NME7: variants seen among roughly 807,000 people sequenced by gnomAD.
NME7 encodes the protein NME/NM23 family member 7.
NME7 carries 41 observed loss-of-function variants against 49.1 expected under a neutral mutation model. The observed-to-expected ratio is 0.83, with a 90% CI of 0.65 to 1.08. NME7 has a LOEUF of 1.08. Among genes scored for constraint, NME7 ranks in the 50% least tolerant of loss-of-function variants. NME7 has a pLI of 0.00. For missense variants in NME7, 423 were observed against 463.4 expected (o/e 0.91, Z 0.80); for synonymous variants, 139 against 150.6 (o/e 0.92, Z 0.56).
rs966146128 is a variant in NME7, at chr1:169,323,213, A to G, written c.182T>C (p.Phe61Ser). Reference protein sequence around the residue: ...KYDNLHLEDLFIGNKVNVFSR... With the variant: ...KYDNLHLEDLSIGNKVNVFSR... ...AAAGACATTCACTTTGTTGCCTATAAATAAATCTTCCAAGTGCAGGTTATC... is the reference window on the plus strand; with the variant it reads ...AAAGACATTCACTTTGTTGCCTATAGATAAATCTTCCAAGTGCAGGTTATC... The change falls in exon 3 of 12, where the codon TTT (phenylalanine) becomes TCT (serine). Residue 61 changes from phenylalanine (F) to serine (S), a missense_variant. Phe to Ser is a radical substitution (Grantham distance 155). Transcript: ENST00000367811. 1 of 1,608,816 alleles carries G rather than the reference A, an allele frequency of 6.2e-7. No homozygotes were observed. Among genetic ancestry groups the G allele is most frequent in the African/African-American group, 1.3e-5 (1 of 74,766 alleles).
chr1:169,283,793 T>C (rs1650145327), intron 7 of NME7: 1 of 152,236 alleles, frequency 6.6e-6, no homozygotes, highest in Admixed American at 6.5e-5. Flanking sequence ...TTCTGGCTTG[T>C]AGGGTTTCTG....
At chr1:169,189,011 T>C (rs1411145447) in intron 10 of NME7, among the ~76,000 whole-genome samples, 1 of 152,200 alleles carries the variant, frequency 6.6e-6, no homozygotes, top group Non-Finnish European at 1.5e-5. Flanking sequence ...AAAAGCTGAG[T>C]AATAATGTGG....
chr1:169,161,908 T>C (rs1659257322), intron 11 of NME7, among the ~76,000 whole-genome samples: 1 of 152,190 alleles, frequency 6.6e-6, no homozygotes, highest in Non-Finnish European at 1.5e-5. Context: ...ATCTCCCCAA[T>C]TGATCCCATA....
intron 10 of NME7, among the ~76,000 whole-genome samples, chr1:169,226,801 T>A (rs1647358747): frequency 6.6e-6 from 1 of 152,188 alleles, no homozygotes; most frequent in Admixed American, 6.5e-5. Flanking sequence ...CTCCTAAAGA[T>A]AACCACTGTT....
chr1:169,210,062 C>G (rs577200699), intron 10 of NME7, among the ~76,000 whole-genome samples: 25 of 152,214 alleles, frequency 1.6e-4, no homozygotes, highest in African/African-American at 5.8e-4. Flanking sequence ...TCCATGTGGA[C>G]AGAGCCAATG....
At chr1:169,204,490 C>A (rs961370451) in intron 10 of NME7, among the ~76,000 whole-genome samples, 2 of 151,968 alleles carry the variant, frequency 1.3e-5, no homozygotes, top group African/African-American at 4.8e-5. Flanking sequence ...AATTACTCAG[C>A]CTTGCAATCT....
chr1:169,353,343 C>G (rs1032126840), intron 1 of NME7, among the ~76,000 whole-genome samples: 2 of 151,954 alleles, frequency 1.3e-5, no homozygotes, highest in Admixed American at 1.3e-4. Flanking sequence ...TATTTATACA[C>G]AGAAGAATGG....
chr1:169,316,504 C>T (rs745484762), intron 3 of NME7, among the ~76,000 whole-genome samples: 4 of 152,052 alleles, frequency 2.6e-5, no homozygotes, highest in Non-Finnish European at 5.9e-5. Context: ...AATATATTAC[C>T]TCACCTGCCA....
chr1:169,314,140 T>TA (rs1651518371), intron 3 of NME7, among the ~76,000 whole-genome samples: 1 of 151,310 alleles, frequency 6.6e-6, no homozygotes, highest in Admixed American at 6.6e-5. Flanking sequence ...TAAGCAAAGG[T>TA]AAAATAATCC....
intron 1 of NME7, 30 bp from the exon 2 acceptor site, chr1:169,324,530 C>T (rs766851627): frequency 7.4e-7 from 1 of 1,355,570 alleles, no homozygotes; most frequent in Non-Finnish European, 1.1e-6. Context: ...AATTTTAACA[C>T]TAACATATAA....
At chr1:169,251,313 C>A (rs1390724467) in intron 7 of NME7, among the ~76,000 whole-genome samples, 5 of 151,852 alleles carry the variant, frequency 3.3e-5, no homozygotes, top group Admixed American at 1.3e-4. Flanking sequence ...CTTTTGGTTT[C>A]CATTTGGAGT....
intron 10 of NME7, among the ~76,000 whole-genome samples, chr1:169,183,540 G>A (rs879434450): frequency 6.6e-6 from 1 of 152,116 alleles, no homozygotes; most frequent in African/African-American, 2.4e-5. Context: ...AGTGGCTCAC[G>A]CCTGTAATCC....
At chr1:169,309,899 CAAGA>C in intron 4 of NME7, 67 bp downstream of exon 4, 1 of 930,650 alleles carries the variant, frequency 1.1e-6, no homozygotes, top group Non-Finnish European at 1.6e-6. Flanking sequence ...TAAACAATGA[CAAGA>C]AAGACAGAAA....
At chr1:169,318,602 G>C (rs1295965821) in intron 3 of NME7, among the ~76,000 whole-genome samples, 1 of 152,160 alleles carries the variant, frequency 6.6e-6, no homozygotes, top group Non-Finnish European at 1.5e-5. Flanking sequence ...TTTTGAATTT[G>C]TCAATTAATT....
intron 10 of NME7, among the ~76,000 whole-genome samples, chr1:169,201,583 T>C (rs1384154095): frequency 1.3e-5 from 2 of 152,106 alleles, no homozygotes; most frequent in Non-Finnish European, 2.9e-5. Context: ...CTTGAAGGAC[T>C]TGATTGACTA....
chr1:169,246,074 A>G (rs758841513), intron 7 of NME7, among the ~76,000 whole-genome samples: 1 of 152,156 alleles, frequency 6.6e-6, no homozygotes, highest in African/African-American at 2.4e-5. Context: ...ATATTAAATC[A>G]ATTGCAGACA....
In NME7 at chr1:169,262,761, C is replaced by T. The variant is rs1649204237; in HGVS notation, c.754+24542G>A. Among the ~76,000 whole-genome samples, 2 of 133,712 alleles carry T rather than the reference C, an allele frequency of 1.5e-5. 1 individual carries two copies. The highest frequency in any genetic ancestry group is 3.5e-5 in the Non-Finnish European group (2 of 56,830). 87.7% of individuals were successfully genotyped at this position (133,712 alleles called of 152,430 possible). On this transcript the variant is annotated intron_variant, in intron 7 of 11. Transcript: ENST00000367811. ...GCAAGACTGAGAAGGAGAGAATCAACCTGGCTTCCCCACAATTCCCCAACA... is the reference window on the plus strand; with the variant it reads ...GCAAGACTGAGAAGGAGAGAATCAATCTGGCTTCCCCACAATTCCCCAACA...
At chr1:169,167,510 T>A (rs2101841226) in intron 11 of NME7, among the ~76,000 whole-genome samples, 1 of 152,254 alleles carries the variant, frequency 6.6e-6, no homozygotes, top group South Asian at 2.1e-4. Flanking sequence ...AATTTTAAAA[T>A]CTATAAGAAG....
At chr1:169,223,843 A>G (rs945320355) in intron 10 of NME7, among the ~76,000 whole-genome samples, 15 of 152,134 alleles carry the variant, frequency 9.9e-5, no homozygotes, top group African/African-American at 3.6e-4. Flanking sequence ...ACACACATTT[A>G]TATCTTTTAT....
Sources: allele counts gnomAD v4.1 joint callset (sites outside exome capture counted in the v4.1 genomes callset), GRCh38; gene constraint gnomAD v4.1.1; transcripts MANE v1.5; gene names NCBI Gene and HGNC (gene_info 2026-07-23, HGNC 2026-07-21).